PDZRN4: variants seen among roughly 807,000 people sequenced by gnomAD.
PDZRN4 encodes PDZ domain-containing RING finger protein 4.
A neutral mutation model predicts 99.0 loss-of-function variants in PDZRN4; 70 were observed. The observed-to-expected ratio is 0.71, with a 90% CI of 0.58 to 0.86. The LOEUF is 0.86. PDZRN4 is among the 40% of genes least tolerant of loss of function. PDZRN4 has a pLI of 0.00. For missense variants in PDZRN4, 1,474 were observed against 1,331.2 expected (o/e 1.11, Z -1.67); for synonymous variants, 551 against 501.6 (o/e 1.10, Z -1.32).
intron 3 of PDZRN4, among the ~76,000 whole-genome samples, chr12:41,480,644 A>G (rs1937658264): frequency 6.6e-6 from 1 of 152,178 alleles, no homozygotes; most frequent in African/African-American, 2.4e-5. Context: ...TTTTTTCCCA[A>G]TATCAGGCTT....
chr12:41,222,269 T>C (rs1950960283), intron 3 of PDZRN4, among the ~76,000 whole-genome samples: 1 of 152,172 alleles, frequency 6.6e-6, no homozygotes, highest in Admixed American at 6.5e-5. Flanking sequence ...GATACTTATT[T>C]AACTTTTTAA....
At chr12:41,422,374 T>A (rs1379636966) in intron 3 of PDZRN4, among the ~76,000 whole-genome samples, 1 of 152,154 alleles carries the variant, frequency 6.6e-6, no homozygotes, top group East Asian at 1.9e-4. Context: ...CTCCCTTCAG[T>A]AAATTTGTGT....
At chr12:41,340,342 A>G (rs1338623775) in intron 3 of PDZRN4, among the ~76,000 whole-genome samples, 2 of 152,048 alleles carry the variant, frequency 1.3e-5, no homozygotes, top group Non-Finnish European at 2.9e-5. Context: ...GACAAACTTC[A>G]CATGTCCTCA....
At chr12:41,571,366 TCTCTCTCTCTCACACACACACA>T (rs1190804653) in intron 9 of PDZRN4, among the ~76,000 whole-genome samples, 7 of 106,454 alleles carry the variant, frequency 6.6e-5, no homozygotes, top group African/African-American at 2.1e-4. Context: ...TCTCTCTCTC[TCTCTCTCTCTCACACACACACA>T]CACACACACA....
rs1295124047 is a variant in PDZRN4, at chr12:41,266,082, C to T, written c.843+71894C>T. On this transcript the variant is annotated intron_variant, in intron 3 of 9. Coordinates refer to ENST00000402685, the MANE Select transcript of PDZRN4 (RefSeq NM_001164595.2). ...ATCCCAGCACTTTGGGAGGCCGAGG[C>T]GGGCGGATCACGAGGTCAGGAGATC... Among the ~76,000 whole-genome samples the T allele has an allele frequency of 3.0e-5, 2 of 65,934 alleles. 1 individual carries two copies. The highest frequency in any genetic ancestry group is 1.6e-3 in the South Asian group (2 of 1,262). 43.3% of individuals were successfully genotyped at this position (65,934 alleles called of 152,430 possible).
chr12:41,342,209 T>C lies in PDZRN4; in HGVS notation c.843+148021T>C, dbSNP rs77966171. Among the ~76,000 whole-genome samples, 584 of 151,966 alleles carry C rather than the reference T, an allele frequency of 3.8e-3. 1 individual carries two copies. The highest frequency in any genetic ancestry group is 0.014 in the African/African-American group (564 of 41,498). ...ATACAAAAATCAACTCAAAATGGGA[T>C]TAAAGACTCAAATATAAACTGCCAA... On this transcript the variant is annotated intron_variant, in intron 3 of 9. Coordinates refer to ENST00000402685, the MANE Select transcript of PDZRN4 (RefSeq NM_001164595.2).
intron 3 of PDZRN4, among the ~76,000 whole-genome samples, chr12:41,283,496 C>G (rs577893654): frequency 6.6e-6 from 1 of 152,302 alleles, no homozygotes; most frequent in South Asian, 2.1e-4. Flanking sequence ...AGGGAATCCT[C>G]CCTAACTCAT....
At chr12:41,356,160 C>T (rs1034870434) in intron 3 of PDZRN4, among the ~76,000 whole-genome samples, 3 of 151,940 alleles carry the variant, frequency 2.0e-5, no homozygotes, top group Non-Finnish European at 2.9e-5. Context: ...AGCACACTTT[C>T]AATTTAGAAA....
intron 3 of PDZRN4, among the ~76,000 whole-genome samples, chr12:41,450,128 A>G (rs2120498107): frequency 6.6e-6 from 1 of 152,320 alleles, no homozygotes; most frequent in South Asian, 2.1e-4. Context: ...TTAAAACTTT[A>G]AGCTTTAAAT....
At chr12:41,431,922 A>G (rs933875536) in intron 3 of PDZRN4, among the ~76,000 whole-genome samples, 12 of 152,202 alleles carry the variant, frequency 7.9e-5, no homozygotes, top group Admixed American at 2.0e-4. Flanking sequence ...TTAAAAATAA[A>G]ACTAGATTAG....
intron 3 of PDZRN4, among the ~76,000 whole-genome samples, chr12:41,479,157 A>G (rs1937635420): frequency 6.6e-6 from 1 of 152,242 alleles, no homozygotes; most frequent in African/African-American, 2.4e-5. Context: ...TTAATGAGAT[A>G]CAGTAGGGGA....
chr12:41,223,412 G>A (rs916047929), intron 3 of PDZRN4, among the ~76,000 whole-genome samples: 1 of 151,602 alleles, frequency 6.6e-6, no homozygotes. Flanking sequence ...CCCCTACCCA[G>A]CCCATCTATA....
chr12:41,386,065 T>C (rs898152491), intron 3 of PDZRN4, among the ~76,000 whole-genome samples: 1 of 152,136 alleles, frequency 6.6e-6, no homozygotes, highest in Non-Finnish European at 1.5e-5. Flanking sequence ...AGACAAAAAC[T>C]GCATGATTGC....
intron 3 of PDZRN4, among the ~76,000 whole-genome samples, chr12:41,379,567 C>A (rs1031566239): frequency 1.8e-4 from 27 of 151,554 alleles, no homozygotes; most frequent in Middle Eastern, 3.4e-3. Context: ...CATTTTTGTT[C>A]ATATCACAAT....
chr12:41,555,886 C>CAAA, intron 7 of PDZRN4, 126 bp downstream of exon 7: 3 of 570,436 alleles, frequency 5.3e-6, no homozygotes, highest in South Asian at 2.5e-5. Context: ...TCTACAAAAC[C>CAAA]AAAAAAAAAA....
chr12:41,545,794 T>A lies in PDZRN4; in HGVS notation c.1204-6862T>A, dbSNP rs191577703. Among the ~76,000 whole-genome samples, 14 of 151,954 alleles carry A rather than the reference T, an allele frequency of 9.2e-5. No homozygotes were observed. The East Asian group carries it at 2.5e-3, about 27-fold the overall frequency. ...GGAGGGAAGACACAGAGGTTTCCATTCCATGGTTTCTTTTTCCTCCATGAA... is the reference window on the plus strand; with the variant it reads ...GGAGGGAAGACACAGAGGTTTCCATACCATGGTTTCTTTTTCCTCCATGAA... On this transcript the variant is annotated intron_variant, in intron 5 of 9. Transcript: ENST00000402685.
At chr12:41,487,050 TTC>T (rs1183040444) in intron 3 of PDZRN4, among the ~76,000 whole-genome samples, 1 of 152,158 alleles carries the variant, frequency 6.6e-6, no homozygotes, top group Non-Finnish European at 1.5e-5. Flanking sequence ...GCCCCAATTC[TTC>T]TCATTGTTTT....
intron 3 of PDZRN4, among the ~76,000 whole-genome samples, chr12:41,336,343 G>A (rs1353025362): frequency 6.6e-6 from 1 of 152,130 alleles, no homozygotes; most frequent in Non-Finnish European, 1.5e-5. Flanking sequence ...GCTAATTGCT[G>A]AAGTTGATTA....
At chr12:41,340,770 A>T (rs1388386837) in intron 3 of PDZRN4, among the ~76,000 whole-genome samples, 1 of 151,896 alleles carries the variant, frequency 6.6e-6, no homozygotes, top group African/African-American at 2.4e-5. Context: ...CATTGGCTTC[A>T]CTGCTGAATT....
Sources: allele counts gnomAD v4.1 joint callset (sites outside exome capture counted in the v4.1 genomes callset), GRCh38; gene constraint gnomAD v4.1.1; transcripts MANE v1.5; gene names NCBI Gene and HGNC (gene_info 2026-07-23, HGNC 2026-07-21).